RIMS1: variants seen among roughly 807,000 people sequenced by gnomAD.
RIMS1 encodes regulating synaptic membrane exocytosis protein 1.
Under a neutral mutation model 214.1 loss-of-function variants are expected in RIMS1, and 83 were observed. The ratio of observed to expected loss-of-function variants is 0.39; its 90% CI spans 0.32 to 0.47. The LOEUF (loss-of-function observed/expected upper bound fraction) is 0.47, where lower values mean the gene tolerates loss of function less well. Ranked by LOEUF, RIMS1 falls within the 20% of genes least tolerant of loss-of-function variation. The pLI is 0.99. For missense variants in RIMS1, 2,050 were observed against 2,161.8 expected (o/e 0.95, Z 1.03); for synonymous variants, 793 against 786.8 (o/e 1.01, Z -0.13).
intron 4 of RIMS1, among the ~76,000 whole-genome samples, chr6:72,102,104 G>C (rs1454251691): frequency 6.6e-6 from 1 of 151,790 alleles, no homozygotes; most frequent in African/African-American, 2.4e-5. Context: ...TTACTATTTG[G>C]TGGCAGAGGA....
At chr6:72,271,403 T>A (rs1365957057) in intron 22 of RIMS1, among the ~76,000 whole-genome samples, 2 of 150,094 alleles carry the variant, frequency 1.3e-5, no homozygotes, top group African/African-American at 4.9e-5. Flanking sequence ...ACAATAAAAA[T>A]ATATATGTGT....
At chr6:71,926,295 T>C (rs1458917210) in intron 1 of RIMS1, among the ~76,000 whole-genome samples, 1 of 152,196 alleles carries the variant, frequency 6.6e-6, no homozygotes, top group Non-Finnish European at 1.5e-5. Flanking sequence ...AGATAGAGAA[T>C]TGGTGAAGTG....
intron 2 of RIMS1, among the ~76,000 whole-genome samples, chr6:72,054,644 T>C (rs527643826): frequency 4.9e-4 from 74 of 152,322 alleles, no homozygotes; most frequent in African/African-American, 1.7e-3. Context: ...TGGCATCTCA[T>C]TGTAGTTTTG....
At chr6:72,376,914 G>T (rs1348716847) in intron 29 of RIMS1, among the ~76,000 whole-genome samples, 2 of 152,078 alleles carry the variant, frequency 1.3e-5, no homozygotes, top group Non-Finnish European at 2.9e-5. Flanking sequence ...CAAAATAAAG[G>T]ATTCATTGTT....
chr6:72,265,965 T>A lies in RIMS1; in HGVS notation c.3314T>A (p.Leu1105Gln). ...RFTDEILVSELQPFLDRARSA... is the reference protein window; with the variant it reads ...RFTDEILVSEQQPFLDRARSA... ...ATGCAATGCACTGGCACTAGTGAAC[T>A]GCAGCCCTTTCTTGACAGGGCTAGG... The change falls in exon 22 of 34, where the codon CTG (leucine) becomes CAG (glutamine). Residue 1105 changes from leucine (L) to glutamine (Q), a missense_variant. Leu to Gln is a moderately radical substitution (Grantham distance 113, BLOSUM62 -2). This residue lies in a region of RIMS1 where 889 missense variants were observed against 885.5 expected (regional missense o/e 1.00). Transcript: ENST00000521978. 6.4e-7 allele frequency: 1 copy of A among 1,567,732 alleles called. No individual in the cohort carries two copies. Among genetic ancestry groups the A allele is most frequent in the Non-Finnish European group, 8.7e-7 (1 of 1,154,474 alleles).
chr6:72,320,378 A>T (rs1298675638), intron 28 of RIMS1, among the ~76,000 whole-genome samples: 1 of 152,178 alleles, frequency 6.6e-6, no homozygotes. Context: ...AAGTCTGTGA[A>T]GTAGTTTATT....
At chr6:71,941,394 C>T (rs572310551) in intron 1 of RIMS1, among the ~76,000 whole-genome samples, 1 of 152,258 alleles carries the variant, frequency 6.6e-6, no homozygotes, top group East Asian at 1.9e-4. Flanking sequence ...CCATTATCAC[C>T]TGCCTTTTTA....
At chr6:72,262,894 T>C (rs1340973481) in intron 19 of RIMS1, 2 of 533,706 alleles carry the variant, frequency 3.7e-6, no homozygotes, top group African/African-American at 4.1e-5. Flanking sequence ...AACATTTATT[T>C]AATAACAAGC....
At chr6:72,240,465 A>G (rs2066262621) in intron 9 of RIMS1, among the ~76,000 whole-genome samples, 1 of 151,682 alleles carries the variant, frequency 6.6e-6, no homozygotes, top group Non-Finnish European at 1.5e-5. Context: ...TAGTGTATAT[A>G]TATATGTATG....
intron 19 of RIMS1, chr6:72,263,435 T>A: frequency 2.1e-6 from 2 of 974,942 alleles, no homozygotes; most frequent in Non-Finnish European, 2.4e-6. Flanking sequence ...GCTTGGAGAC[T>A]TAATCGAATT....
At chr6:72,318,984 T>G (rs2095992925) in intron 28 of RIMS1, among the ~76,000 whole-genome samples, 1 of 152,290 alleles carries the variant, frequency 6.6e-6, no homozygotes, top group South Asian at 2.1e-4. Context: ...TCTACCATAC[T>G]GCCAGAAATA....
chr6:72,279,891 A>G (rs2089184745), intron 23 of RIMS1, among the ~76,000 whole-genome samples: 1 of 151,960 alleles, frequency 6.6e-6, no homozygotes, highest in Non-Finnish European at 1.5e-5. Flanking sequence ...AGACTCTAAA[A>G]TTGAGTCTAT....
chr6:72,233,724 C>A, intron 6 of RIMS1, 49 bp from the exon 7 acceptor site: 1 of 1,294,124 alleles, frequency 7.7e-7, no homozygotes, highest in Non-Finnish European at 1.1e-6. Context: ...AAGTGATACA[C>A]TCTTCTCTTT....
In RIMS1 at chr6:72,340,417, G is replaced by A. The variant is rs553414686; in HGVS notation, c.4366+6582G>A. ...TTCTTCTAGGGTTTTTATGGTTTTA[G>A]GTCTAACATTTAAGTCTTTAATCCA... On this transcript the variant is annotated intron_variant, in intron 29 of 33. Transcript: ENST00000521978. Among the ~76,000 whole-genome samples the A allele has an allele frequency of 3.7e-3, 557 of 151,958 alleles. 3 individuals carry two copies. Among genetic ancestry groups the A allele is most frequent in the South Asian group, 0.016 (79 of 4,812 alleles).
chr6:72,215,962 G>GTTCCTAAT (rs1305625018), intron 6 of RIMS1, among the ~76,000 whole-genome samples: 2 of 152,228 alleles, frequency 1.3e-5, no homozygotes, highest in Admixed American at 1.3e-4. Flanking sequence ...AATGAAAGAT[G>GTTCCTAAT]TTCCTAATTT....
chr6:72,353,840 A>T (rs930020038), intron 29 of RIMS1, among the ~76,000 whole-genome samples: 1 of 152,220 alleles, frequency 6.6e-6, no homozygotes, highest in African/African-American at 2.4e-5. Context: ...CCAATGGAAT[A>T]GGTTCTGCTA....
chr6:72,157,511 A>G (rs542282807), intron 4 of RIMS1, among the ~76,000 whole-genome samples: 2 of 140,630 alleles, frequency 1.4e-5, no homozygotes, highest in East Asian at 4.0e-4. Flanking sequence ...ATTTTTCATC[A>G]TAATTAAATG....
intron 2 of RIMS1, among the ~76,000 whole-genome samples, chr6:72,061,863 A>G (rs1052294760): frequency 2.0e-5 from 3 of 152,246 alleles, no homozygotes; most frequent in African/African-American, 7.2e-5. Context: ...GGAATCTTTA[A>G]TTGTTTTTAA....
At chr6:72,087,378 G>T (rs528539077) in intron 2 of RIMS1, among the ~76,000 whole-genome samples, 1 of 152,184 alleles carries the variant, frequency 6.6e-6, no homozygotes, top group African/African-American at 2.4e-5. Flanking sequence ...GAAGTTAGAA[G>T]AATTCAATTT....
Sources: allele counts gnomAD v4.1 joint callset (sites outside exome capture counted in the v4.1 genomes callset), GRCh38; gene constraint gnomAD v4.1.1; regional missense constraint gnomAD v4.1.1; transcripts MANE v1.5; gene names NCBI Gene and HGNC (gene_info 2026-07-23, HGNC 2026-07-21).